CSMD1: variants seen among roughly 807,000 people sequenced by gnomAD.
CSMD1 encodes the protein CUB and Sushi multiple domains 1, also known as CUB and sushi domain-containing protein 1.
CSMD1 carries 213 observed loss-of-function variants against 417.5 expected under a neutral mutation model. That is an observed-to-expected ratio of 0.51 (90% CI 0.46 to 0.57). CSMD1 has a LOEUF of 0.57. Among genes scored for constraint, CSMD1 ranks in the 20% least tolerant of loss-of-function variants. CSMD1 has a pLI of 0.00. For synonymous variants in CSMD1, 2,862 were observed against 1,736.8 expected (o/e 1.65, Z -16.11); for missense variants, 6,923 against 4,529.7 (o/e 1.53, Z -15.17).
chr8:4,400,938 C>T (rs1172387915), intron 3 of CSMD1, among the ~76,000 whole-genome samples: 1 of 126,696 alleles, frequency 7.9e-6, no homozygotes, highest in East Asian at 2.5e-4. Flanking sequence ...AACTTCACAA[C>T]TTTATTTTAG....
At chr8:3,805,684 C>T (rs911721740) in intron 5 of CSMD1, among the ~76,000 whole-genome samples, 1 of 151,972 alleles carries the variant, frequency 6.6e-6, no homozygotes, top group African/African-American at 2.4e-5. Flanking sequence ...ACTACTGTAC[C>T]ATTGTGTTTC....
intron 1 of CSMD1, among the ~76,000 whole-genome samples, chr8:4,802,394 CA>C (rs1487853486): frequency 4.6e-5 from 7 of 151,654 alleles, no homozygotes; most frequent in African/African-American, 1.7e-4. Flanking sequence ...TAGTGAGAAG[CA>C]TCCCCGTGGT....
chr8:3,350,301 C>T (rs535417533), intron 21 of CSMD1, among the ~76,000 whole-genome samples: 2 of 147,550 alleles, frequency 1.4e-5, no homozygotes, highest in South Asian at 4.3e-4. Flanking sequence ...TGTTATAATA[C>T]CTATAATAAC....
rs1013686285 is a variant in CSMD1 at position 4,568,161 on chromosome 8, TAA to T, written c.302+69179_302+69180del. On this transcript the variant is annotated intron_variant, in intron 2 of 69. Transcript: ENST00000635120. Reference sequence around the variant, plus strand: ...TTGTGTGTCTTTTTAAAAAAATATATAAGTTATGGGATACATGTGCAGAAAGT... The same window carrying T: ...TTGTGTGTCTTTTTAAAAAAATATATGTTATGGGATACATGTGCAGAAAGT... 1.5e-3 allele frequency among the ~76,000 whole-genome samples: 223 copies of T among 152,302 alleles called. 1 individual carries two copies. The highest frequency in any genetic ancestry group is 5.1e-3 in the African/African-American group (214 of 41,580).
At chr8:4,361,699 T>C (rs1315942637) in intron 3 of CSMD1, among the ~76,000 whole-genome samples, 2 of 152,170 alleles carry the variant, frequency 1.3e-5, no homozygotes, top group African/African-American at 2.4e-5. Flanking sequence ...CTCACGCCTG[T>C]AATCCCAACA....
intron 3 of CSMD1, among the ~76,000 whole-genome samples, chr8:4,269,327 A>C (rs114884160): frequency 7.2e-5 from 11 of 152,108 alleles, no homozygotes; most frequent in Admixed American, 3.3e-4. Context: ...GCCTCCCCCA[A>C]AGTGCTGGGA....
At chr8:3,568,138 A>G (rs1799794093) in intron 10 of CSMD1, among the ~76,000 whole-genome samples, 1 of 152,226 alleles carries the variant, frequency 6.6e-6, no homozygotes, top group African/African-American at 2.4e-5. Context: ...ATAATTAAAT[A>G]CTTGAAAATT....
At chr8:4,702,975 G>A (rs1260028744) in intron 1 of CSMD1, among the ~76,000 whole-genome samples, 3 of 151,942 alleles carry the variant, frequency 2.0e-5, no homozygotes, top group African/African-American at 2.4e-5. Flanking sequence ...TTAAAAGTAG[G>A]TACTCTCAAA....
chr8:3,868,083 G>A (rs1805230507), intron 5 of CSMD1, among the ~76,000 whole-genome samples: 1 of 152,010 alleles, frequency 6.6e-6, no homozygotes, highest in Admixed American at 6.6e-5. Flanking sequence ...CTCTCATGAT[G>A]CTTAATTCCT....
intron 7 of CSMD1, among the ~76,000 whole-genome samples, chr8:3,619,097 G>A (rs1006960116): frequency 6.7e-6 from 1 of 150,050 alleles, no homozygotes; most frequent in African/African-American, 2.5e-5. Flanking sequence ...ATTCCAGGCA[G>A]AGGAATACAA....
intron 7 of CSMD1, among the ~76,000 whole-genome samples, chr8:3,645,820 C>G (rs368916130): frequency 2.4e-3 from 366 of 152,278 alleles, no homozygotes; most frequent in African/African-American, 8.5e-3. Context: ...TCAAATGACA[C>G]TGGGCTACAA....
At position 3,635,371 on chromosome 8, in the gene CSMD1, G is replaced by A. The variant is rs536375139; in HGVS notation, c.1010-18574C>T. 3.9e-5 allele frequency among the ~76,000 whole-genome samples: 6 copies of A among 152,200 alleles called. No individual in the cohort carries two copies. The South Asian group carries it at 1.0e-3, about 26-fold the overall frequency. ...CACCTGTAATCCCAGCTACTCGGGAGGCTGAGGCAGGAGAATCACTTGAAC... is the reference window on the plus strand; with the variant it reads ...CACCTGTAATCCCAGCTACTCGGGAAGCTGAGGCAGGAGAATCACTTGAAC... On this transcript the variant is annotated intron_variant, in intron 7 of 69. Transcript: ENST00000635120.
chr8:3,422,692 T>G (rs373095879), intron 12 of CSMD1, among the ~76,000 whole-genome samples: 40 of 152,362 alleles, frequency 2.6e-4, no homozygotes, highest in African/African-American at 8.2e-4. Flanking sequence ...AGTGATTTTA[T>G]GTATTTTTCA....
At position 4,190,864 on chromosome 8, in the gene CSMD1, C is replaced by T. The variant is rs558139368; in HGVS notation, c.416-158765G>A. Among the ~76,000 whole-genome samples, 13 of 151,710 alleles carry T rather than the reference C, an allele frequency of 8.6e-5. No individual in the cohort carries two copies. The East Asian group carries it at 1.4e-3, about 16-fold the overall frequency. ...GATGCAGGAACAGAAAACCAAATACCACATGATCTGACTTCTAAGAGGGAG... is the reference window on the plus strand; with the variant it reads ...GATGCAGGAACAGAAAACCAAATACTACATGATCTGACTTCTAAGAGGGAG... On this transcript the variant is annotated intron_variant, in intron 3 of 69. Coordinates refer to ENST00000635120, the MANE Select transcript of CSMD1 (RefSeq NM_033225.6).
intron 3 of CSMD1, among the ~76,000 whole-genome samples, chr8:4,296,851 C>T (rs557604583): frequency 6.6e-6 from 1 of 151,958 alleles, no homozygotes; most frequent in Admixed American, 6.6e-5. Context: ...CCTGCTATCT[C>T]CCAGACTTGT....
intron 3 of CSMD1, among the ~76,000 whole-genome samples, chr8:4,198,499 A>C (rs1258197848): frequency 6.6e-6 from 1 of 152,114 alleles, no homozygotes; most frequent in Non-Finnish European, 1.5e-5. Context: ...GATGAGAAAG[A>C]AATCACTAGG....
At chr8:4,701,559 T>A (rs889828237) in intron 1 of CSMD1, among the ~76,000 whole-genome samples, 3 of 152,054 alleles carry the variant, frequency 2.0e-5, no homozygotes, top group Admixed American at 6.5e-5. Context: ...AGCAATACAG[T>A]ACTGATTCTC....
intron 1 of CSMD1, among the ~76,000 whole-genome samples, chr8:4,682,984 ATATATATAT>A (rs1475816775): frequency 9.1e-5 from 13 of 143,164 alleles, no homozygotes; most frequent in Admixed American, 4.2e-4. Flanking sequence ...ATATATATAT[ATATATATAT>A]AGTCACACAT....
intron 3 of CSMD1, among the ~76,000 whole-genome samples, chr8:4,409,568 C>G (rs1042521614): frequency 9.2e-5 from 14 of 151,912 alleles, no homozygotes; most frequent in Middle Eastern, 3.2e-3. Context: ...CCACTCAACA[C>G]TTCAGCAGGG....
Sources: gnomAD v4.1 joint callset for allele counts (sites outside exome capture counted in the v4.1 genomes callset) on GRCh38, gnomAD v4.1.1 for gene constraint, MANE v1.5 for transcripts, NCBI Gene and HGNC (gene_info 2026-07-23, HGNC 2026-07-21) for gene names.